The following CEP120 variants were observed in gnomAD, a reference collection of about 807,000 sequenced individuals.
CEP120 encodes the protein centrosomal protein of 120 kDa.
A neutral mutation model predicts 126.5 loss-of-function variants in CEP120; 113 were observed. The observed-to-expected ratio is 0.89, with a 90% CI of 0.77 to 1.04. The LOEUF (loss-of-function observed/expected upper bound fraction) is 1.04. Among genes scored for constraint, CEP120 ranks in the 50% least tolerant of loss-of-function variants. The pLI is 0.00. For synonymous variants in CEP120, 400 were observed against 394.3 expected (o/e 1.01, Z -0.17); for missense variants, 1,230 against 1,155.7 (o/e 1.06, Z -0.93).
rs541460567 is a variant in CEP120 at position 123,416,400 on chromosome 5, A to G, written c.207-276T>C. Among the ~76,000 whole-genome samples the G allele has an allele frequency of 2.0e-5, 3 of 151,860 alleles. No individual in the cohort carries two copies. The East Asian group carries it at 5.8e-4, about 29-fold the overall frequency. ...ACATGGTGAAACCTCATCTCTACTA[A>G]AATTAAAAAAAACAAAAAAAAATAG... On this transcript the variant is annotated intron_variant, in intron 2 of 19. Transcript: ENST00000306467.
In CEP120 at chr5:123,392,423, T is replaced by C. The variant is rs140246145; in HGVS notation, c.810+877A>G. ...CATTACTTTATTTTAAACAAATGAG[T>C]ATCTAAGCGTATACAACACCACCCT... On this transcript the variant is annotated intron_variant, in intron 6 of 19. Coordinates refer to ENST00000306467, the MANE Select transcript of CEP120 (RefSeq NM_001375405.1). Among the ~76,000 whole-genome samples the C allele has an allele frequency of 3.3e-5, 5 of 152,314 alleles. No homozygotes were observed. In the East Asian group the frequency reaches 9.6e-4, roughly 29 times the overall value.
intron 10 of CEP120, among the ~76,000 whole-genome samples, chr5:123,385,907 C>T (rs1018303836): frequency 8.6e-5 from 13 of 152,038 alleles, no homozygotes; most frequent in African/African-American, 2.9e-4. Flanking sequence ...GCCAGGCCTA[C>T]TATTATATTT....
At chr5:123,410,608 G>A (rs566019243) in intron 4 of CEP120, among the ~76,000 whole-genome samples, 9 of 152,338 alleles carry the variant, frequency 5.9e-5, no homozygotes, top group African/African-American at 2.2e-4. Flanking sequence ...TCAACAAATG[G>A]TGCTGGAACA....
chr5:123,362,673 G>A (rs10065634), intron 18 of CEP120, among the ~76,000 whole-genome samples: 104,286 of 151,422 alleles, frequency 0.69, 36,024 homozygotes, highest in Middle Eastern at 0.73. Flanking sequence ...TATCATCATA[G>A]TGATCTTCAC....
At chr5:123,404,111 A>G (rs1344393568) in intron 4 of CEP120, among the ~76,000 whole-genome samples, 1 of 152,240 alleles carries the variant, frequency 6.6e-6, no homozygotes, top group Non-Finnish European at 1.5e-5. Flanking sequence ...CCAAATATTC[A>G]GGTGCATTAG....
chr5:123,384,910 T>A (rs560668011), intron 11 of CEP120, 41 bp downstream of exon 11: 1 of 1,509,022 alleles, frequency 6.6e-7, no homozygotes, highest in African/African-American at 1.4e-5. Flanking sequence ...ATTCCATGAA[T>A]TGAAAAGAAA....
At chr5:123,408,398 A>G (rs1234305957) in intron 4 of CEP120, among the ~76,000 whole-genome samples, 1 of 151,996 alleles carries the variant, frequency 6.6e-6, no homozygotes, top group Non-Finnish European at 1.5e-5. Flanking sequence ...AAAAAAAAAG[A>G]AAGGATACAA....
At chr5:123,418,064 C>T (rs1324331136) in intron 2 of CEP120, among the ~76,000 whole-genome samples, 1 of 152,100 alleles carries the variant, frequency 6.6e-6, no homozygotes, top group African/African-American at 2.4e-5. Context: ...ACTTTGAGTG[C>T]TGACATAATG....
chr5:123,418,486 T>C lies in CEP120; in HGVS notation c.79A>G (p.Met27Val), dbSNP rs759722220. 6.2e-7 allele frequency: 1 copy of C among 1,611,078 alleles called. No individual in the cohort carries two copies. The highest frequency in any genetic ancestry group is 1.7e-5 in the Admixed American group (1 of 59,870). The change falls in exon 2 of 20, where the codon ATG (methionine) becomes GTG (valine). Residue 27 changes from methionine to valine, a missense_variant. Physicochemically the swap from Met to Val is conservative, Grantham distance 21. Coordinates refer to ENST00000306467, the MANE Select transcript of CEP120 (RefSeq NM_001375405.1). ...GRHFPKRPKH[M>V]LVVEAKFDGE... ...TCAAACTTTGCTTCCACTACAAGCA[T>C]ATGCTTTGGACGTTTGGGGAAATGC...
intron 18 of CEP120, among the ~76,000 whole-genome samples, chr5:123,361,110 G>C (rs956399681): frequency 5.9e-5 from 9 of 151,722 alleles, no homozygotes; most frequent in African/African-American, 2.2e-4. Flanking sequence ...GCTGATTTGG[G>C]TAATGTGTAA....
chr5:123,346,454 T>C lies in CEP120; in HGVS notation c.*65A>G, dbSNP rs1477110900. On this transcript the variant is annotated 3_prime_UTR_variant, in exon 20 of 20. Coordinates refer to ENST00000306467, the MANE Select transcript of CEP120 (RefSeq NM_001375405.1). The stretch of plus-strand genomic sequence containing the variant: ...TTTAAAACATCCATTTTCCTCACTT[T>C]TGAGGTTTTTACAAAGAAATTAAAA... The C allele has an allele frequency of 2.5e-6, 3 of 1,220,222 alleles. No homozygotes were observed. Among genetic ancestry groups the C allele is most frequent in the African/African-American group, 1.5e-5 (1 of 65,914 alleles). The allele number at this position is 1,220,222 out of a possible 1,614,324, so 75.6% of individuals were successfully genotyped here.
chr5:123,375,858 A>G (rs1467620121), intron 16 of CEP120, among the ~76,000 whole-genome samples: 3 of 152,128 alleles, frequency 2.0e-5, no homozygotes, highest in Non-Finnish European at 4.4e-5. Flanking sequence ...ACAACCACCT[A>G]AATAATGGCT....
intron 5 of CEP120, among the ~76,000 whole-genome samples, chr5:123,396,646 A>C (rs1175408087): frequency 3.3e-5 from 5 of 152,226 alleles, no homozygotes; most frequent in African/African-American, 7.2e-5. Flanking sequence ...GGTAACTATC[A>C]CGACTACATA....
Position 123,423,216 on chromosome 5 carries a change from C to A in CEP120, c.-218G>T. 1.8e-6 allele frequency: 1 copy of A among 566,710 alleles called. No homozygotes were observed. The allele number at this position is 566,710 out of a possible 1,614,324, so 35.1% of individuals were successfully genotyped here. The stretch of plus-strand genomic sequence containing the variant: ...CCCAGATCCTAACTGTGCCCCGACT[C>A]AAGGAAAAAGCCACGCTGCAGCCCT... On this transcript the variant is annotated 5_prime_UTR_variant, in exon 1 of 20. Transcript: ENST00000306467.
At chr5:123,419,526 C>T (rs1416356661) in intron 1 of CEP120, among the ~76,000 whole-genome samples, 3 of 137,098 alleles carry the variant, frequency 2.2e-5, no homozygotes, top group Admixed American at 7.6e-5. Flanking sequence ...AGCAAGACTC[C>T]ATCTCAAAAA....
chr5:123,386,432 C>T, intron 10 of CEP120, 86 bp downstream of exon 10: 1 of 983,454 alleles, frequency 1.0e-6, no homozygotes, highest in Non-Finnish European at 1.4e-6. Context: ...TGGATTTAAA[C>T]CTATAAGAAT....
At chr5:123,364,356 AT>A in intron 18 of CEP120, 139 bp downstream of exon 18, 1 of 398,438 alleles carries the variant, frequency 2.5e-6, no homozygotes, top group Non-Finnish European at 4.5e-6. Flanking sequence ...TTTATAACAT[AT>A]TTTTATAAAA....
intron 14 of CEP120, among the ~76,000 whole-genome samples, 174 bp downstream of exon 14, chr5:123,381,937 A>T (rs1771676717): frequency 6.6e-6 from 1 of 152,004 alleles, no homozygotes; most frequent in Admixed American, 6.6e-5. Context: ...AAAGCACAAA[A>T]TACTTTACAG....
rs1770876993 is a variant in CEP120 at position 123,371,835 on chromosome 5, G to C, written c.2481+815C>G. 2.0e-5 allele frequency among the ~76,000 whole-genome samples: 3 copies of C among 152,086 alleles called. No individual in the cohort carries two copies. The South Asian group carries it at 6.2e-4, about 32-fold the overall frequency. On this transcript the variant is annotated intron_variant, in intron 17 of 19. Transcript: ENST00000306467. ...TTCAACACAAAGCTGAGTAGGAAAA[G>C]ATGGGAATGGCTGGCACAATTAAAT...
Sources: allele counts gnomAD v4.1 joint callset (sites outside exome capture counted in the v4.1 genomes callset), GRCh38; gene constraint gnomAD v4.1.1; transcripts MANE v1.5; gene names NCBI Gene and HGNC (gene_info 2026-07-23, HGNC 2026-07-21).